AFDN: variants seen among roughly 807,000 people sequenced by gnomAD.
The protein encoded by AFDN is afadin, adherens junction formation factor.
In AFDN, 68 loss-of-function variants were observed where a neutral mutation model predicts 216.6. That is an observed-to-expected ratio of 0.31 (90% CI 0.26 to 0.38). The LOEUF (loss-of-function observed/expected upper bound fraction) is 0.38, where lower values mean the gene tolerates loss of function less well. AFDN is among the 10% of genes least tolerant of loss of function. AFDN has a pLI of 1.00. For synonymous variants in AFDN, 868 were observed against 853.7 expected (o/e 1.02, Z -0.29); for missense variants, 2,136 against 2,342.0 (o/e 0.91, Z 1.82).
chr6:167,869,500 C>T (rs1462125754), intron 2 of AFDN, among the ~76,000 whole-genome samples: 1 of 152,188 alleles, frequency 6.6e-6, no homozygotes, highest in East Asian at 1.9e-4. Flanking sequence ...TGGATTTCTC[C>T]GAGCGACAAG....
At chr6:167,829,052 C>G (rs1779537564) in intron 1 of AFDN, among the ~76,000 whole-genome samples, 1 of 151,994 alleles carries the variant, frequency 6.6e-6, no homozygotes, top group Admixed American at 6.5e-5. Context: ...TTTGTACATA[C>G]ACTGAAGCAA....
At position 167,943,408 on chromosome 6, in the gene AFDN, C is replaced by T. The variant is rs1794922888; in HGVS notation, c.3172C>T (p.Arg1058Cys). The T allele has an allele frequency of 3.7e-6, 6 of 1,613,910 alleles. No individual in the cohort carries two copies. The highest frequency in any genetic ancestry group is 5.1e-6 in the Non-Finnish European group (6 of 1,179,908). Residue 1058 changes from arginine (R) to cysteine (C), a missense_variant, in exon 25 of 34, where the codon CGT becomes TGT. This residue lies in a region of AFDN where 74 missense variants were observed against 98.8 expected (regional missense o/e 0.75). Transcript: ENST00000683244. ...CACCTGTGGATTTGCCTAGGATGGA[C>T]GTCTAGCTGCAGGTGATCAGCTCCT... ...VKGGAADVDG[R>C]LAAGDQLLSV...
In AFDN at chr6:167,898,449, G is replaced by T; in HGVS notation, c.1562G>T (p.Gly521Val). 6.2e-7 allele frequency: 1 copy of T among 1,614,058 alleles called. No individual in the cohort carries two copies. The highest frequency in any genetic ancestry group is 2.2e-5 in the East Asian group (1 of 44,868). Residue 521 changes from glycine (G) to valine (V), a missense_variant, in exon 11 of 34, where the codon GGC becomes GTC. Coordinates refer to ENST00000683244, the MANE Select transcript of AFDN (RefSeq NM_001386888.1). The stretch of plus-strand genomic sequence containing the variant: ...GTGGATGGAGGCCTGATGGTTAAGG[G>T]CCCAAGACATAAACCTGGGTAAATA... ...RSVDGGLMVK[G>V]PRHKPGIVQE...
rs1368590178 is a variant in AFDN, at chr6:167,971,642, A to G, written c.*1707A>G. ...ACTTTCTTTAAAGAGATGCAGATGAATTACTTTTCTGTTAATATATAGAAA... is the reference window on the plus strand; with the variant it reads ...ACTTTCTTTAAAGAGATGCAGATGAGTTACTTTTCTGTTAATATATAGAAA... On this transcript the variant is annotated 3_prime_UTR_variant, in exon 34 of 34. Coordinates refer to ENST00000683244, the MANE Select transcript of AFDN (RefSeq NM_001386888.1). 5.1e-6 allele frequency: 1 copy of G among 194,500 alleles called. No homozygotes were observed. The highest frequency in any genetic ancestry group is 1.1e-5 in the Non-Finnish European group (1 of 93,704). 12.0% of individuals were successfully genotyped at this position (194,500 alleles called of 1,614,324 possible).
chr6:167,915,257 C>G lies in AFDN; in HGVS notation c.2389C>G (p.Leu797Val), dbSNP rs1220030359. 3 of 1,614,146 alleles carry G rather than the reference C, an allele frequency of 1.9e-6. No individual in the cohort carries two copies. The highest frequency in any genetic ancestry group is 2.5e-6 in the Non-Finnish European group (3 of 1,180,048). Residue 797 changes from leucine to valine, a missense_variant, in exon 19 of 34, where the codon CTC (leucine) becomes GTC (valine). Transcript: ENST00000683244. Reference protein sequence around the residue: ...AALTIQLFSQLFHFINMWLFN... With the variant: ...AALTIQLFSQVFHFINMWLFN... ...CCTGACCATCCAGCTCTTCTCTCAG[C>G]TCTTCCACTTCATCAATATGTGGCT...
chr6:167,926,892 T>C (rs563044359), intron 23 of AFDN, among the ~76,000 whole-genome samples: 14 of 152,164 alleles, frequency 9.2e-5, no homozygotes, highest in Non-Finnish European at 1.8e-4. Flanking sequence ...CCCCAGCATA[T>C]AGTAGGCAAA....
chr6:167,960,892 A>T (rs1796971684), intron 30 of AFDN, among the ~76,000 whole-genome samples: 1 of 152,190 alleles, frequency 6.6e-6, no homozygotes, highest in Non-Finnish European at 1.5e-5. Context: ...AGGTTGTCCT[A>T]AAGAGACAGT....
Position 167,870,503 on chromosome 6 carries a change from G to GAACCCTCAGTATT in AFDN, c.414+6_414+18dup, listed in dbSNP as rs1446871150. On this transcript the variant is annotated splice_donor_region_variant and intron_variant, in intron 3 of 33. Transcript: ENST00000683244. ...AATGACGCCATTCCTCCTAAGGTAG[G>GAACCCTCAGTATT]AACCCTCAGTATTTTATGACGGTCT... The GAACCCTCAGTATT allele has an allele frequency of 1.3e-6, 2 of 1,574,138 alleles. No individual in the cohort carries two copies. Among genetic ancestry groups the GAACCCTCAGTATT allele is most frequent in the Non-Finnish European group, 1.7e-6 (2 of 1,148,290 alleles).
At chr6:167,949,153 A>T (rs758863354) in intron 29 of AFDN, among the ~76,000 whole-genome samples, 8 of 152,198 alleles carry the variant, frequency 5.3e-5, no homozygotes, top group African/African-American at 9.6e-5. Context: ...AACGTTATCC[A>T]ATGTGGTTTT....
At chr6:167,938,627 C>T (rs1032164182) in intron 23 of AFDN, among the ~76,000 whole-genome samples, 4 of 152,096 alleles carry the variant, frequency 2.6e-5, no homozygotes, top group African/African-American at 9.7e-5. Flanking sequence ...GATAAATTAC[C>T]TACCTTAAAA....
At chr6:167,963,270 G>C in intron 31 of AFDN, 4 of 1,063,656 alleles carry the variant, frequency 3.8e-6, no homozygotes, top group South Asian at 4.6e-5. Flanking sequence ...GGATGAAGAG[G>C]CTGTAGCCGT....
At chr6:167,849,316 G>T (rs554665995) in intron 1 of AFDN, among the ~76,000 whole-genome samples, 1 of 152,014 alleles carries the variant, frequency 6.6e-6, no homozygotes, top group Non-Finnish European at 1.5e-5. Flanking sequence ...GTAACTTGTG[G>T]GGGGGGAGAG....
chr6:167,896,926 G>A lies in AFDN; in HGVS notation c.1271G>A (p.Ser424Asn), dbSNP rs1788331567. 1 of 1,613,662 alleles carries A rather than the reference G, an allele frequency of 6.2e-7. No individual in the cohort carries two copies. The highest frequency in any genetic ancestry group is 1.7e-5 in the Admixed American group (1 of 60,000). ...DKPKLYRLQL[S>N]VTEVGTEKLD... Reference sequence around the variant, plus strand: ...CCAAAGCTTTACCGCCTTCAGTTAAGTGTTACTGAAGTTGGGACAGAAAAG... The same window carrying A: ...CCAAAGCTTTACCGCCTTCAGTTAAATGTTACTGAAGTTGGGACAGAAAAG... The change falls in exon 10 of 34, where the codon AGT (serine) becomes AAT (asparagine). Residue 424 changes from serine to asparagine, a missense_variant. This residue lies in a region of AFDN where 817 missense variants were observed against 965.7 expected (regional missense o/e 0.85). Coordinates refer to ENST00000683244, the MANE Select transcript of AFDN (RefSeq NM_001386888.1).
At chr6:167,904,459 C>T (rs1348405752) in intron 12 of AFDN, among the ~76,000 whole-genome samples, 2 of 152,170 alleles carry the variant, frequency 1.3e-5, no homozygotes, top group African/African-American at 4.8e-5. Context: ...GTCTGCCTGC[C>T]TCGGCTTCCC....
intron 23 of AFDN, among the ~76,000 whole-genome samples, chr6:167,930,528 C>T (rs942977377): frequency 2.6e-5 from 4 of 152,180 alleles, no homozygotes; most frequent in Non-Finnish European, 4.4e-5. Context: ...AGGATGGCAG[C>T]GGGCCCTGTG....
chr6:167,946,557 T>C (rs879358758), intron 26 of AFDN, 150 bp from the exon 27 acceptor site: 1 of 611,532 alleles, frequency 1.6e-6, no homozygotes, highest in African/African-American at 2.0e-5. Context: ...TCTCAGTATA[T>C]TTACTTAAAA....
chr6:167,895,907 G>C (rs1583314819), intron 9 of AFDN, among the ~76,000 whole-genome samples: 1 of 152,182 alleles, frequency 6.6e-6, no homozygotes, highest in East Asian at 1.9e-4. Flanking sequence ...TGGTGTGCTT[G>C]CCACACTAGA....
intron 1 of AFDN, among the ~76,000 whole-genome samples, chr6:167,853,229 C>CT (rs35946472): frequency 0.012 from 1,862 of 152,164 alleles, 46 homozygotes; most frequent in Admixed American, 0.054. Context: ...TTTTATATCT[C>CT]TTTTCTCTTA....
intron 23 of AFDN, among the ~76,000 whole-genome samples, chr6:167,941,015 A>G (rs867489450): frequency 2.7e-3 from 6 of 2,198 alleles, no homozygotes; most frequent in Admixed American, 8.4e-3. Flanking sequence ...ACACAGAGGG[A>G]TGTAGGGATG....
Sources: allele counts gnomAD v4.1 joint callset (sites outside exome capture counted in the v4.1 genomes callset), GRCh38; gene constraint gnomAD v4.1.1; regional missense constraint gnomAD v4.1.1; transcripts MANE v1.5; gene names NCBI Gene and HGNC (gene_info 2026-07-23, HGNC 2026-07-21).